Variants in F13A1 observed in about 807,000 individuals in gnomAD.
F13A1 encodes coagulation factor XIII A chain.
Under a neutral mutation model 80.1 loss-of-function variants are expected in F13A1, and 47 were observed. The ratio of observed to expected loss-of-function variants is 0.59; its 90% confidence interval spans 0.46 to 0.75. F13A1 has a LOEUF of 0.75. Among genes scored for constraint, F13A1 ranks in the 30% least tolerant of loss-of-function variants. The pLI, the probability that F13A1 is intolerant of heterozygous loss-of-function variation, is 0.00. For synonymous variants in F13A1, 349 were observed against 344.9 expected (o/e 1.01, Z -0.13); for missense variants, 817 against 930.4 (o/e 0.88, Z 1.59).
At chr6:6,267,937 G>C (rs1370108469) in intron 3 of F13A1, among the ~76,000 whole-genome samples, 1 of 152,042 alleles carries the variant, frequency 6.6e-6, no homozygotes, top group Non-Finnish European at 1.5e-5. Flanking sequence ...ACTTTTGTTG[G>C]GAACATGGAA....
At chr6:6,214,726 T>C (rs1175296374) in intron 8 of F13A1, among the ~76,000 whole-genome samples, 200 of 64,048 alleles carry the variant, frequency 3.1e-3, no homozygotes, top group Non-Finnish European at 4.0e-3. Context: ...CTTCAAAAAA[T>C]TAATGAATCC....
chr6:6,276,596 A>C (rs1757990569), intron 3 of F13A1, among the ~76,000 whole-genome samples: 1 of 152,204 alleles, frequency 6.6e-6, no homozygotes, highest in Non-Finnish European at 1.5e-5. Flanking sequence ...AGGCTCAGGT[A>C]ACTTAAGTAA....
At chr6:6,224,580 A>T in intron 7 of F13A1, 106 bp downstream of exon 7, 1 of 1,057,496 alleles carries the variant, frequency 9.5e-7, no homozygotes, top group Non-Finnish European at 1.4e-6. Context: ...CATAAATTCT[A>T]TAGTGTCAAC....
In F13A1 at chr6:6,145,178, AG is replaced by A; in HGVS notation, c.*440del. On this transcript the variant is annotated 3_prime_UTR_variant, in exon 15 of 15. Coordinates refer to ENST00000264870, the MANE Select transcript of F13A1 (RefSeq NM_000129.4). ...ACATGGAGGGTAGAACCTGACCCCG[AG>A]AAAGGGGACTGGAATTCTAGAGCCC... 9.2e-6 allele frequency: 2 copies of A among 218,242 alleles called. No individual in the cohort carries two copies. Among genetic ancestry groups the A allele is most frequent in the East Asian group, 2.4e-4 (2 of 8,234 alleles). The allele number at this position is 218,242 out of a possible 1,614,324, so 13.5% of individuals were successfully genotyped here.
chr6:6,298,424 T>G lies in F13A1; in HGVS notation c.319+6927A>C, dbSNP rs543840992. Among the ~76,000 whole-genome samples, 24 of 150,410 alleles carry G rather than the reference T, an allele frequency of 1.6e-4. 1 individual carries two copies. Among genetic ancestry groups the G allele is most frequent in the East Asian group, 5.8e-4 (3 of 5,186 alleles). On this transcript the variant is annotated intron_variant, in intron 3 of 14. Coordinates refer to ENST00000264870, the MANE Select transcript of F13A1 (RefSeq NM_000129.4). ...CACTCAGGACTTGCTTTATGAATCT[T>G]GGTGCTCCTGTATTGGGTGCATATA... is the stretch of plus-strand genomic sequence containing the variant.
chr6:6,164,922 C>T (rs916581215), intron 13 of F13A1, among the ~76,000 whole-genome samples: 1 of 152,034 alleles, frequency 6.6e-6, no homozygotes, highest in African/African-American at 2.4e-5. Context: ...GTCCACAGGC[C>T]GGAGCTTCTG....
intron 2 of F13A1, among the ~76,000 whole-genome samples, chr6:6,315,727 G>A (rs1187210374): frequency 6.6e-6 from 1 of 151,922 alleles, no homozygotes; most frequent in Admixed American, 6.6e-5. Context: ...AGAGCAGCTT[G>A]CTAACTGGAA....
intron 12 of F13A1, among the ~76,000 whole-genome samples, chr6:6,168,554 G>A (rs1397373934): frequency 6.6e-6 from 1 of 152,144 alleles, no homozygotes; most frequent in African/African-American, 2.4e-5. Context: ...CAGGTGAATG[G>A]GTGACTCATT....
At chr6:6,190,200 G>A (rs533252165) in intron 10 of F13A1, among the ~76,000 whole-genome samples, 39 of 152,126 alleles carry the variant, frequency 2.6e-4, no homozygotes, top group East Asian at 1.5e-3. Flanking sequence ...TAATTTGATC[G>A]TCTGAAGCCT....
At position 6,208,774 on chromosome 6, in the gene F13A1, GCT is replaced by G. The variant is rs545971416; in HGVS notation, c.1113-11450_1113-11449del. Among the ~76,000 whole-genome samples, 8 of 151,122 alleles carry G rather than the reference GCT, an allele frequency of 5.3e-5. No individual in the cohort carries two copies. The East Asian group carries it at 1.4e-3, about 26-fold the overall frequency. On this transcript the variant is annotated intron_variant, in intron 8 of 14. Transcript: ENST00000264870. ...ATGATTTTAGTTTTCTCTCTTATTC[GCT>G]CTCTTATTTTTCTCTCTTCTCCATT...
chr6:6,220,563 C>G (rs1641366635), intron 8 of F13A1, among the ~76,000 whole-genome samples: 1 of 145,900 alleles, frequency 6.9e-6, no homozygotes. Context: ...GTCTGTGTGT[C>G]TGTCTGTGTG....
In F13A1 at chr6:6,298,827, G is replaced by C. The variant is rs1259797; in HGVS notation, c.319+6524C>G. On this transcript the variant is annotated intron_variant, in intron 3 of 14. Coordinates refer to ENST00000264870, the MANE Select transcript of F13A1 (RefSeq NM_000129.4). ...TGGTGATTTTGCTCATTAGTTGATGGAGTTTCTTCCTAGTCTTGATGGTCT... is the reference window on the plus strand; with the variant it reads ...TGGTGATTTTGCTCATTAGTTGATGCAGTTTCTTCCTAGTCTTGATGGTCT... 3.0e-3 allele frequency among the ~76,000 whole-genome samples: 447 copies of C among 146,600 alleles called. 10 individuals are homozygous for C. Among genetic ancestry groups the C allele is most frequent in the East Asian group, 0.024 (123 of 5,162 alleles).
intron 11 of F13A1, among the ~76,000 whole-genome samples, chr6:6,179,155 A>G (rs1317125111): frequency 1.3e-5 from 2 of 152,218 alleles, no homozygotes; most frequent in Admixed American, 6.5e-5. Flanking sequence ...AGAGGTGGAA[A>G]TAACAGTGAC....
chr6:6,296,104 T>C (rs1210859657), intron 3 of F13A1, among the ~76,000 whole-genome samples: 5 of 150,388 alleles, frequency 3.3e-5, no homozygotes, highest in South Asian at 4.2e-4. Flanking sequence ...CATTGATCTA[T>C]ATCTCTGTTT....
intron 2 of F13A1, among the ~76,000 whole-genome samples, chr6:6,316,946 A>G (rs1038635527): frequency 2.6e-5 from 4 of 152,182 alleles, no homozygotes; most frequent in African/African-American, 9.7e-5. Context: ...GCTTCCCTGC[A>G]CTGCCTTTGT....
intron 8 of F13A1, among the ~76,000 whole-genome samples, chr6:6,217,519 G>A (rs928326192): frequency 7.9e-6 from 1 of 126,504 alleles, no homozygotes; most frequent in Non-Finnish European, 1.6e-5. Flanking sequence ...AACACTCTGC[G>A]GCCTGTTGTG....
At chr6:6,273,402 G>C (rs1199638037) in intron 3 of F13A1, among the ~76,000 whole-genome samples, 1 of 152,100 alleles carries the variant, frequency 6.6e-6, no homozygotes, top group African/African-American at 2.4e-5. Context: ...ACAGCAATCT[G>C]GGTGTTCAAT....
chr6:6,311,317 A>T (rs1742943), intron 2 of F13A1, among the ~76,000 whole-genome samples: 58 of 151,972 alleles, frequency 3.8e-4, no homozygotes, highest in African/African-American at 1.2e-3. Flanking sequence ...AATGTCATTT[A>T]CCATTTTATT....
intron 3 of F13A1, 171 bp downstream of exon 3, chr6:6,305,180 G>T: frequency 2.6e-6 from 2 of 754,812 alleles, no homozygotes; most frequent in Non-Finnish European, 4.7e-6. Flanking sequence ...TCAATATTTG[G>T]CACTATACAG....
Sources: gnomAD v4.1 joint callset for allele counts (sites outside exome capture counted in the v4.1 genomes callset) on GRCh38, gnomAD v4.1.1 for gene constraint, MANE v1.5 for transcripts, NCBI Gene and HGNC (gene_info 2026-07-23, HGNC 2026-07-21) for gene names.